ATG2A: variants seen among roughly 807,000 people sequenced by gnomAD.
ATG2A encodes autophagy related 2A, also known as autophagy-related protein 2 homolog A.
Under a neutral mutation model 214.2 loss-of-function variants are expected in ATG2A, and 103 were observed. That is an observed-to-expected ratio of 0.48 (90% confidence interval 0.41 to 0.57). The LOEUF (loss-of-function observed/expected upper bound fraction) is 0.57, where lower values mean the gene tolerates loss of function less well. Ranked by LOEUF, ATG2A falls within the 20% of genes least tolerant of loss-of-function variation. ATG2A has a pLI of 0.00. For synonymous variants in ATG2A, 1,160 were observed against 1,142.1 expected (o/e 1.02, Z -0.32); for missense variants, 2,312 against 2,613.2 (o/e 0.88, Z 2.51).
In ATG2A at chr11:64,906,709, C is replaced by A; in HGVS notation, c.2939G>T (p.Gly980Val). 3 of 1,613,660 alleles carry A rather than the reference C, an allele frequency of 1.9e-6. No individual in the cohort carries two copies. The highest frequency in any genetic ancestry group is 2.5e-6 in the Non-Finnish European group (3 of 1,180,018). Residue 980 changes from glycine (G) to valine (V), a missense_variant, in exon 20 of 41, where the codon GGC becomes GTC. Gly to Val is a moderately radical substitution (Grantham distance 109, BLOSUM62 -3). Transcript: ENST00000377264. ...VSQYCGQPGLGYFCLEAEKAT... is the reference protein window; with the variant it reads ...VSQYCGQPGLVYFCLEAEKAT... Reference sequence around the variant, plus strand: ...CTTTTCAGCTTCCAGACAGAAGTAGCCAAGTCCTGGCTGGCCACAGTACTG... The same window carrying A: ...CTTTTCAGCTTCCAGACAGAAGTAGACAAGTCCTGGCTGGCCACAGTACTG...
intron 37 of ATG2A, 136 bp from the exon 38 acceptor site, chr11:64,897,005 T>C (rs1944176338): frequency 8.1e-7 from 1 of 1,237,594 alleles, no homozygotes; most frequent in African/African-American, 1.5e-5. Context: ...CACCCAGTCA[T>C]GTGCAGAGGG....
Position 64,913,506 on chromosome 11 carries a change from G to T in ATG2A, c.591-105C>A. The T allele has an allele frequency of 7.2e-7, 1 of 1,385,310 alleles. No individual in the cohort carries two copies. The highest frequency in any genetic ancestry group is 9.6e-7 in the Non-Finnish European group (1 of 1,045,592). The allele number at this position is 1,385,310 out of a possible 1,614,324, so 85.8% of individuals were successfully genotyped here. A position where few individuals can be genotyped will look rare whatever the true frequency, so the allele number is the denominator to read the frequency against. ...GGCACGGGGTCAGGGAGCCTAGCCT[G>T]CAGAGCTGCCCCATCACACCTAGGC... is the stretch of plus-strand genomic sequence containing the variant. On this transcript the variant is annotated intron_variant, in intron 4 of 40. Transcript: ENST00000377264. This position sits in a 1 kb window ranked among gnomAD's most constrained non-coding sequence, Gnocchi z 4.3.
chr11:64,903,796 A>C lies in ATG2A; in HGVS notation c.3465-136T>G. ...CCAGCCTCAGCGTTCCTGCCTGCAC[A>C]ATGGGGAGAAGGCCCAGACAGCAGG... On this transcript the variant is annotated intron_variant, in intron 24 of 40. Transcript: ENST00000377264. This position sits in a 1 kb window ranked among gnomAD's most constrained non-coding sequence, Gnocchi z 4.2. The C allele has an allele frequency of 1.3e-6, 1 of 793,512 alleles. No homozygotes were observed. The highest frequency in any genetic ancestry group is 1.9e-6 in the Non-Finnish European group (1 of 513,472). The allele number at this position is 793,512 out of a possible 1,614,324, so 49.2% of individuals were successfully genotyped here.
Position 64,903,111 on chromosome 11 carries a change from ACCC to A in ATG2A, c.3612+174_3612+176del, listed in dbSNP as rs939849412. 2.0e-5 allele frequency among the ~76,000 whole-genome samples: 3 copies of A among 152,190 alleles called. No homozygotes were observed. Among genetic ancestry groups the A allele is most frequent in the Admixed American group, 6.5e-5 (1 of 15,306 alleles). ...ATTCATTCAGCCAGCATCAAGGGAC[ACCC>A]CCACCAGGGCTGTACTATGGCCCTT... On this transcript the variant is annotated intron_variant, in intron 26 of 40. Coordinates refer to ENST00000377264, the MANE Select transcript of ATG2A (RefSeq NM_015104.3). This position sits in a 1 kb window ranked among gnomAD's most constrained non-coding sequence, Gnocchi z 4.2.
rs754337054 is a variant in ATG2A, at chr11:64,902,636, G to A, written c.3657C>T (p.His1219=). Residue 1219 remains histidine (H), a synonymous_variant, in exon 27 of 41, where the codon CAC becomes CAT. Coordinates refer to ENST00000377264, the MANE Select transcript of ATG2A (RefSeq NM_015104.3). Reference sequence around the variant, plus strand: ...CACAGGAGTCGGCACAGCTGTGCACGTGTACCACATTGTTGGAGCAGCGCA... The same window carrying A: ...CACAGGAGTCGGCACAGCTGTGCACATGTACCACATTGTTGGAGCAGCGCA... ...FELRCSNNVV[H]VHSCADSCAL... 2.1e-5 allele frequency: 34 copies of A among 1,611,036 alleles called. No homozygotes were observed. Among genetic ancestry groups the A allele is most frequent in the Middle Eastern group, 2.0e-4 (1 of 5,036 alleles).
At position 64,898,382 on chromosome 11, in the gene ATG2A, TCTGGACACCTG is replaced by T; in HGVS notation, c.4672-31_4672-21del. 6.4e-7 allele frequency: 1 copy of T among 1,567,806 alleles called. No homozygotes were observed. Among genetic ancestry groups the T allele is most frequent in the Non-Finnish European group, 8.6e-7 (1 of 1,157,762 alleles). ...GGTGAGCTGGGAGCAGAGGGTGAGTTCTGGACACCTGCTGGGCCTCTGGGGCAGCAGCTCAC... is the reference window on the plus strand; with the variant it reads ...GGTGAGCTGGGAGCAGAGGGTGAGTTCTGGGCCTCTGGGGCAGCAGCTCAC... On this transcript the variant is annotated intron_variant, in intron 32 of 40. Coordinates refer to ENST00000377264, the MANE Select transcript of ATG2A (RefSeq NM_015104.3). The surrounding 1 kb of genome is among the most constrained non-coding windows in gnomAD (Gnocchi z 4.5).
At position 64,909,801 on chromosome 11, in the gene ATG2A, C is replaced by T. The variant is rs61746813; in HGVS notation, c.1987G>A (p.Ala663Thr). Residue 663 changes from alanine to threonine, a missense_variant, in exon 14 of 41, where the codon GCC (alanine) becomes ACC (threonine). Transcript: ENST00000377264. ...RPEPDPWAGQ[A>T]VRAEQLRLEL... is the part of the protein sequence containing the mutation. ...AGCCGAAGCTGCTCAGCCCGCACGG[C>T]CTGGCCCGCCCAGGGGTCCGGCTCA... 5.8e-3 allele frequency: 9,269 copies of T among 1,611,978 alleles called. 416 individuals are homozygous for T. The African/African-American group carries it at 0.11, about 19-fold the overall frequency.
rs574726088 is a variant in ATG2A at position 64,901,182 on chromosome 11, A to T, written c.4120-90T>A. The T allele has an allele frequency of 2.3e-5, 26 of 1,117,980 alleles. No individual in the cohort carries two copies. In the African/African-American group the frequency reaches 2.4e-4, roughly 10 times the overall value. 69.3% of individuals were successfully genotyped at this position (1,117,980 alleles called of 1,614,324 possible). ...AGCAACCTGGCCTCACTTCTTTTTC[A>T]TTTTTTTTTTTTTATAGACAGGGTC... On this transcript the variant is annotated intron_variant, in intron 29 of 40. Coordinates refer to ENST00000377264, the MANE Select transcript of ATG2A (RefSeq NM_015104.3).
chr11:64,908,859 G>C (rs1944654292), intron 16 of ATG2A, 132 bp downstream of exon 16: 1 of 950,974 alleles, frequency 1.1e-6, no homozygotes, highest in Non-Finnish European at 1.5e-6. Context: ...ATCCTCACTG[G>C]TGTTGGGTCA....
rs1388470047 is a variant in ATG2A, at chr11:64,900,573, T to C, written c.4385A>G (p.Asn1462Ser). Residue 1462 changes from asparagine to serine, a missense_variant, in exon 31 of 41, where the codon AAC becomes AGC. Coordinates refer to ENST00000377264, the MANE Select transcript of ATG2A (RefSeq NM_015104.3). Reference sequence around the variant, plus strand: ...CGTGCGCCATGAGTTCTGGGGCCGGTTGGGGCCAGAGCAGCGGGAAGGGGA... The same window carrying C: ...CGTGCGCCATGAGTTCTGGGGCCGGCTGGGGCCAGAGCAGCGGGAAGGGGA... ...RSSPSRCSGP[N>S]RPQNSWRTQG... 2.5e-6 allele frequency: 4 copies of C among 1,613,210 alleles called. No homozygotes were observed. Among genetic ancestry groups the C allele is most frequent in the South Asian group, 1.1e-5 (1 of 91,052 alleles).
chr11:64,897,428 G>T lies in ATG2A; in HGVS notation c.5134C>A (p.Leu1712Ile). 1 of 1,567,262 alleles carries T rather than the reference G, an allele frequency of 6.4e-7. No homozygotes were observed. Among genetic ancestry groups the T allele is most frequent in the Non-Finnish European group, 8.7e-7 (1 of 1,155,780 alleles). ...LNCSELKLKR[L>I]CCRHGLLGVD... ...GGGACTCACCCGTGCCTGCAACAGA[G>T]CCGCTTTAGCTTCAGCTCGGAGCAG... The change falls in exon 37 of 41, where the codon CTC becomes ATC. Residue 1712 changes from leucine (L) to isoleucine (I), a missense_variant. Physicochemically the swap from Leu to Ile is conservative, Grantham distance 5. Coordinates refer to ENST00000377264, the MANE Select transcript of ATG2A (RefSeq NM_015104.3).
rs548206379 is a variant in ATG2A at position 64,900,996 on chromosome 11, G to T, written c.4216C>A (p.Leu1406Met). ...ACTGGGAAATGGGCAGGTGCCCGCA[G>T]CAAGTCCGTGCTGCCGATCGGCCGT... is the stretch of plus-strand genomic sequence containing the variant. ...FSRPIGSTDLLRAPAHFPVPS... is the reference protein window; with the variant it reads ...FSRPIGSTDLMRAPAHFPVPS... Residue 1406 changes from leucine (L) to methionine (M), a missense_variant, in exon 30 of 41, where the codon CTG becomes ATG. Physicochemically the swap from Leu to Met is conservative, Grantham distance 15. Coordinates refer to ENST00000377264, the MANE Select transcript of ATG2A (RefSeq NM_015104.3). The T allele has an allele frequency of 3.1e-6, 5 of 1,589,664 alleles. No homozygotes were observed. The East Asian group carries it at 1.2e-4, about 37-fold the overall frequency.
chr11:64,909,128 G>A lies in ATG2A; in HGVS notation c.2227C>T (p.Gln743Ter), dbSNP rs748718689. Reference sequence around the variant, plus strand: ...ACCTCCCACTGTGTGCTGCTGGACTGGGGGTTCACAGTCACCACTACCCTG... The same window carrying A: ...ACCTCCCACTGTGTGCTGCTGGACTAGGGGTTCACAGTCACCACTACCCTG... ...LPQVVVTVNP[Q>*]SSSTQWEVAP... The change falls in exon 16 of 41, where the codon CAG (glutamine) becomes TAG (stop). Residue 743 changes from glutamine (Q) to a stop codon, truncating the protein, a stop_gained. Transcript: ENST00000377264. LOFTEE classifies it high-confidence loss of function. 1 of 1,611,296 alleles carries A rather than the reference G, an allele frequency of 6.2e-7. No individual in the cohort carries two copies. The highest frequency in any genetic ancestry group is 8.5e-7 in the Non-Finnish European group (1 of 1,179,042).
In ATG2A at chr11:64,913,260, G is replaced by A. The variant is rs377622456; in HGVS notation, c.726+6C>T. 7.4e-5 allele frequency: 120 copies of A among 1,611,464 alleles called. No homozygotes were observed. Among genetic ancestry groups the A allele is most frequent in the Middle Eastern group, 1.6e-4 (1 of 6,074 alleles). On this transcript the variant is annotated splice_donor_region_variant and intron_variant, in intron 5 of 40. Transcript: ENST00000377264. The surrounding 1 kb of genome is among the most constrained non-coding windows in gnomAD (Gnocchi z 4.3). Reference sequence around the variant, plus strand: ...ACAGGGGCTGTGGGAATCAGAGCCCGCTCACCTGTGCCGGGAGCTCCTCGT... The same window carrying A: ...ACAGGGGCTGTGGGAATCAGAGCCCACTCACCTGTGCCGGGAGCTCCTCGT...
At chr11:64,908,680 C>CAGAGCCTGGCCCTTAACTGCCTTAGAA in intron 16 of ATG2A, among the ~76,000 whole-genome samples, 1 of 152,214 alleles carries the variant, frequency 6.6e-6, no homozygotes, top group Non-Finnish European at 1.5e-5. Flanking sequence ...CACCAAGTGG[C>CAGAGCCTGGCCCTTAACTGCCTTAGAA]AGAGCCTGGC....
At chr11:64,905,374 C>A (rs1017741126) in intron 24 of ATG2A, among the ~76,000 whole-genome samples, 189 bp downstream of exon 24, 1 of 152,172 alleles carries the variant, frequency 6.6e-6, no homozygotes, top group Non-Finnish European at 1.5e-5. Flanking sequence ...TCAGAGAGCA[C>A]AAATGCTTAT....
rs1944842688 is a variant in ATG2A at position 64,913,180 on chromosome 11, A to G, written c.727-44T>C. On this transcript the variant is annotated intron_variant, in intron 5 of 40. Coordinates refer to ENST00000377264, the MANE Select transcript of ATG2A (RefSeq NM_015104.3). The surrounding 1 kb of genome is among the most constrained non-coding windows in gnomAD (Gnocchi z 4.3). ...CAAGAGGGAAAGGTTGAGAAAATGG[A>G]GTCAGAGATGGTCAGAAAGGATGGG... 6.2e-7 allele frequency: 1 copy of G among 1,603,732 alleles called. No homozygotes were observed. The highest frequency in any genetic ancestry group is 1.1e-5 in the South Asian group (1 of 89,610).
In ATG2A at chr11:64,903,793, C is replaced by T. The variant is rs1205101097; in HGVS notation, c.3465-133G>A. 2 of 816,952 alleles carry T rather than the reference C, an allele frequency of 2.4e-6. No homozygotes were observed. The highest frequency in any genetic ancestry group is 1.7e-5 in the African/African-American group (1 of 57,348). 50.6% of individuals were successfully genotyped at this position (816,952 alleles called of 1,614,324 possible). The stretch of plus-strand genomic sequence containing the variant: ...CCTCCAGCCTCAGCGTTCCTGCCTG[C>T]ACAATGGGGAGAAGGCCCAGACAGC... On this transcript the variant is annotated intron_variant, in intron 24 of 40. Coordinates refer to ENST00000377264, the MANE Select transcript of ATG2A (RefSeq NM_015104.3). The surrounding 1 kb of genome is among the most constrained non-coding windows in gnomAD (Gnocchi z 4.2).
At position 64,905,803 on chromosome 11, in the gene ATG2A, G is replaced by A; in HGVS notation, c.3310C>T (p.Leu1104=). Residue 1104 remains leucine (L), a synonymous_variant, in exon 23 of 41, where the codon CTG becomes TTG. Transcript: ENST00000377264. ...AGGATGGTGATGACCGTCGGGGGCAGGTAGCCCAGCACAGGGTCATCCAGC... is the reference window on the plus strand; with the variant it reads ...AGGATGGTGATGACCGTCGGGGGCAAGTAGCCCAGCACAGGGTCATCCAGC... The part of the protein sequence containing the change: ...DVLDDPVLGY[L]PPTVITILHT... 1 of 1,613,772 alleles carries A rather than the reference G, an allele frequency of 6.2e-7. No individual in the cohort carries two copies. Among genetic ancestry groups the A allele is most frequent in the Non-Finnish European group, 8.5e-7 (1 of 1,180,012 alleles).
Sources: allele counts gnomAD v4.1 joint callset (sites outside exome capture counted in the v4.1 genomes callset), GRCh38; gene constraint gnomAD v4.1.1; non-coding constraint Gnocchi (gnomAD v3.1); transcripts MANE v1.5; gene names NCBI Gene and HGNC (gene_info 2026-07-23, HGNC 2026-07-21).